Variants in MID1 observed in about 807,000 individuals in gnomAD.
The protein encoded by MID1 is E3 ubiquitin-protein ligase Midline-1.
In MID1, 7 loss-of-function variants were observed where a neutral mutation model predicts 40.4. The ratio of observed to expected loss-of-function variants is 0.17; its 90% confidence interval spans 0.10 to 0.33. MID1 has a LOEUF of 0.33. MID1 is among the 10% of genes least tolerant of loss of function. MID1 has a pLI of 1.00. For missense variants in MID1, 367 were observed against 558.5 expected (o/e 0.66, Z 3.46); for synonymous variants, 229 against 221.2 (o/e 1.04, Z -0.31).
intron 8 of MID1, among the ~76,000 whole-genome samples, chrX:10,457,383 C>G (rs1447965863): frequency 8.9e-6 from 1 of 112,193 alleles, no homozygotes; most frequent in African/African-American, 3.2e-5. Flanking sequence ...CCAAATAAAC[C>G]ACTACCTACT....
At chrX:10,487,892 T>C (rs1019232054) in intron 4 of MID1, among the ~76,000 whole-genome samples, 3 of 111,492 alleles carry the variant, frequency 2.7e-5, no homozygotes, top group Non-Finnish European at 5.6e-5. Context: ...TGACACAAAT[T>C]GTTTACCCAT....
intron 1 of MID1, among the ~76,000 whole-genome samples, chrX:10,689,637 T>A (rs1278170173): frequency 9.0e-6 from 1 of 111,593 alleles, no homozygotes; most frequent in African/African-American, 3.3e-5. Context: ...GCCTGTCTAG[T>A]CTTTTTTTCT....
At chrX:10,465,200 T>TACAC (rs1250596327) in intron 7 of MID1, among the ~76,000 whole-genome samples, 4 of 65,225 alleles carry the variant, frequency 6.1e-5, no homozygotes, top group African/African-American at 3.1e-4. Context: ...TATATATATA[T>TACAC]ATATATATAT....
intron 2 of MID1, among the ~76,000 whole-genome samples, chrX:10,562,777 CTA>C (rs750971406): frequency 9.4e-6 from 1 of 106,386 alleles, no homozygotes; most frequent in Non-Finnish European, 1.9e-5. Context: ...GTTATTATTG[CTA>C]TGTTTGTTGT....
intron 4 of MID1, among the ~76,000 whole-genome samples, chrX:10,494,525 T>C (rs1487029002): frequency 9.0e-6 from 1 of 110,945 alleles, no homozygotes; most frequent in African/African-American, 3.3e-5. Context: ...CCCAGCATTT[T>C]AGGAGGCAGA....
rs1569089864 is a variant in MID1 at position 10,533,386 on chromosome X, GAAAGA to G, written c.661-10204_661-10200del. ...AAAGAAAGAAAGAAAGAAAAAGAAA[GAAAGA>G]AAAGAAAGAAAGAAAGAAAGAAAGA... is the stretch of plus-strand genomic sequence containing the variant. On this transcript the variant is annotated intron_variant, in intron 2 of 9. Transcript: ENST00000317552. 7.1e-3 allele frequency among the ~76,000 whole-genome samples: 371 copies of G among 52,003 alleles called. 6 individuals are homozygous for G. The highest frequency in any genetic ancestry group is 8.4e-3 in the Non-Finnish European group (246 of 29,194). The allele number at this position is 52,003 out of a possible 115,157, so 45.2% of individuals were successfully genotyped here.
chrX:10,763,275 T>C (rs751409342), intron 1 of MID1, among the ~76,000 whole-genome samples: 143 of 110,191 alleles, frequency 1.3e-3, no homozygotes, highest in African/African-American at 4.7e-3. Flanking sequence ...CAACCCGTCA[T>C]CTAACATTAG....
chrX:10,590,614 A>T (rs1381803883), intron 1 of MID1, among the ~76,000 whole-genome samples: 1 of 112,369 alleles, frequency 8.9e-6, no homozygotes, highest in Non-Finnish European at 1.9e-5. Flanking sequence ...ATATGTAAAA[A>T]AAAATGTACT....
intron 2 of MID1, among the ~76,000 whole-genome samples, chrX:10,533,050 G>A (rs1293569870): frequency 9.1e-6 from 1 of 110,466 alleles, no homozygotes; most frequent in African/African-American, 3.3e-5. Flanking sequence ...GGGATTACAG[G>A]TGTGAGCCAC....
intron 4 of MID1, among the ~76,000 whole-genome samples, chrX:10,486,417 T>C (rs6640654): frequency 0.069 from 7,776 of 111,961 alleles, 562 homozygotes; most frequent in African/African-American, 0.21. Context: ...GCCACTGCCA[T>C]CCTGGGGTGC....
At chrX:10,603,729 T>G (rs1569124636) in intron 1 of MID1, among the ~76,000 whole-genome samples, 1 of 111,103 alleles carries the variant, frequency 9.0e-6, no homozygotes, top group Admixed American at 9.6e-5. Flanking sequence ...GAGAGAGAGA[T>G]ACAGATTTCA....
chrX:10,649,971 A>C (rs1478484030), intron 1 of MID1, among the ~76,000 whole-genome samples: 1 of 112,076 alleles, frequency 8.9e-6, no homozygotes, highest in Non-Finnish European at 1.9e-5. Context: ...AGTATATGAA[A>C]ATAAACTGAT....
At chrX:10,659,261 C>A (rs988480149) in intron 1 of MID1, among the ~76,000 whole-genome samples, 28 of 111,766 alleles carry the variant, frequency 2.5e-4, no homozygotes, top group Non-Finnish European at 3.8e-4. Flanking sequence ...TTTTTTATTA[C>A]CAGCTCATCA....
At chrX:10,712,845 T>C (rs1653074010) in intron 1 of MID1, among the ~76,000 whole-genome samples, 1 of 111,467 alleles carries the variant, frequency 9.0e-6, no homozygotes, top group African/African-American at 3.3e-5. Flanking sequence ...TTCTTTCTTT[T>C]TTATTTTTTG....
intron 1 of MID1, among the ~76,000 whole-genome samples, chrX:10,805,130 T>C (rs1408090235): frequency 9.1e-6 from 1 of 109,701 alleles, no homozygotes; most frequent in Non-Finnish European, 1.9e-5. Flanking sequence ...GCTGGTTAGT[T>C]ACATATGTAT....
At chrX:10,482,289 G>A (rs992963500) in intron 5 of MID1, among the ~76,000 whole-genome samples, 191 bp downstream of exon 5, 3 of 111,742 alleles carry the variant, frequency 2.7e-5, no homozygotes, top group African/African-American at 9.8e-5. Context: ...ACTCCAGGCT[G>A]TTACTGAAAG....
intron 1 of MID1, among the ~76,000 whole-genome samples, chrX:10,768,152 TA>T (rs2043743591): frequency 8.9e-6 from 1 of 111,921 alleles, no homozygotes; most frequent in African/African-American, 3.2e-5. Context: ...TTGTTTTTAT[TA>T]TATATAAAAG....
At chrX:10,542,071 C>T (rs1361379615) in intron 2 of MID1, among the ~76,000 whole-genome samples, 1 of 112,068 alleles carries the variant, frequency 8.9e-6, no homozygotes, top group East Asian at 2.8e-4. Context: ...GGTTAACAAA[C>T]CTGGATAATA....
At chrX:10,470,178 C>T (rs1424509427) in intron 6 of MID1, among the ~76,000 whole-genome samples, 1 of 112,154 alleles carries the variant, frequency 8.9e-6, no homozygotes, top group East Asian at 2.8e-4. Flanking sequence ...GCTGCATTCA[C>T]TTTGGGAGGT....
Sources: allele counts gnomAD v4.1 joint callset (sites outside exome capture counted in the v4.1 genomes callset), GRCh38; gene constraint gnomAD v4.1.1; transcripts MANE v1.5; gene names NCBI Gene and HGNC (gene_info 2026-07-23, HGNC 2026-07-21).